Variants in ZSCAN32 observed in about 807,000 individuals in gnomAD.
ZSCAN32 encodes zinc finger and SCAN domain containing 32.
A neutral mutation model predicts 47.4 loss-of-function variants in ZSCAN32; 52 were observed. The ratio of observed to expected loss-of-function variants is 1.10; its 90% CI spans 0.88 to 1.38. ZSCAN32 has a LOEUF of 1.38. ZSCAN32 is among the 40% of genes most tolerant of loss of function. The pLI, the probability that ZSCAN32 is intolerant of heterozygous loss-of-function variation, is 0.00. For synonymous variants in ZSCAN32, 346 were observed against 305.7 expected, an observed-to-expected ratio of 1.13 and a Z score of -1.38; for missense variants, 959 against 846.0, an observed-to-expected ratio of 1.13 and a Z score of -1.66.
chr16:3,384,087 AC>A, intron 6 of ZSCAN32: 2 of 469,550 alleles, frequency 4.3e-6, no homozygotes. Context: ...GCCAGCTCAA[AC>A]AGGAAGAAAG....
At chr16:3,393,874 TC>T in intron 2 of ZSCAN32, 60 bp from the exon 3 acceptor site, 1 of 1,378,254 alleles carries the variant, frequency 7.3e-7, no homozygotes, top group Non-Finnish European at 9.6e-7. Context: ...ACTTTACAAC[TC>T]CTAAGAGTGG....
intron 5 of ZSCAN32, among the ~76,000 whole-genome samples, 183 bp downstream of exon 5, chr16:3,389,827 T>C (rs2032456814): frequency 6.6e-6 from 1 of 152,204 alleles, no homozygotes; most frequent in African/African-American, 2.4e-5. Flanking sequence ...TCACACATGC[T>C]GCCCCTTTCT....
chr16:3,391,302 G>A (rs1173087564), intron 3 of ZSCAN32, among the ~76,000 whole-genome samples: 1 of 152,142 alleles, frequency 6.6e-6, no homozygotes, highest in Non-Finnish European at 1.5e-5. Context: ...GAACACAGGT[G>A]TTCCCAAGGA....
chr16:3,384,899 A>G lies in ZSCAN32; in HGVS notation c.794T>C (p.Leu265Pro). Reference protein sequence around the residue: ...PWGYEETKTLLAILSSSQFYG... With the variant: ...PWGYEETKTLPAILSSSQFYG... Reference sequence around the variant, plus strand: ...AAATTGAGAACTACTAAGAATAGCCAGGAGCGTCTTGGTCTCTTCATAGCC... The same window carrying G: ...AAATTGAGAACTACTAAGAATAGCCGGGAGCGTCTTGGTCTCTTCATAGCC... Residue 265 changes from leucine (L) to proline (P), a missense_variant, in exon 6 of 7, where the codon CTG becomes CCG. By Grantham distance (98) the Leu-to-Pro change is moderately conservative. Transcript: ENST00000396852. 2 of 1,614,154 alleles carry G rather than the reference A, an allele frequency of 1.2e-6. No homozygotes were observed. The highest frequency in any genetic ancestry group is 1.1e-5 in the South Asian group (1 of 91,082).
chr16:3,394,356 G>T (rs1401698985), intron 2 of ZSCAN32, among the ~76,000 whole-genome samples: 1 of 152,164 alleles, frequency 6.6e-6, no homozygotes, highest in Non-Finnish European at 1.5e-5. Flanking sequence ...GTTAAAAACT[G>T]AAATATATTT....
At chr16:3,384,991 G>A in intron 5 of ZSCAN32, 50 bp from the exon 6 acceptor site, 1 of 1,575,230 alleles carries the variant, frequency 6.3e-7, no homozygotes, top group Middle Eastern at 1.7e-4. Flanking sequence ...GATCATGGAG[G>A]ACTGTACATA....
Position 3,397,755 on chromosome 16 carries a change from T to C in ZSCAN32, c.-187-11A>G. The C allele has an allele frequency of 1.6e-6, 1 of 611,476 alleles. No homozygotes were observed. The highest frequency in any genetic ancestry group is 2.7e-6 in the Non-Finnish European group (1 of 365,964). 37.9% of individuals were successfully genotyped at this position (611,476 alleles called of 1,614,324 possible). A position where few individuals can be genotyped will look rare whatever the true frequency, so the allele number is the denominator to read the frequency against. On this transcript the variant is annotated splice_polypyrimidine_tract_variant and intron_variant, in intron 1 of 6. Transcript: ENST00000396852. ...AACTTTGAAGGATGTCTGAAGAGGA[T>C]GGAAAAAGACAATATAAACCTATCA...
chr16:3,391,329 G>A (rs933860760), intron 3 of ZSCAN32, among the ~76,000 whole-genome samples: 2 of 152,138 alleles, frequency 1.3e-5, no homozygotes, highest in Middle Eastern at 3.2e-3. Flanking sequence ...GGAAATAAAT[G>A]CTAAGTGGCA....
rs191240269 is a variant in ZSCAN32, at chr16:3,384,904, C to A, written c.789G>T (p.Thr263=). ...GVPWGYEETK[T]LLAILSSSQF... ...GAGAACTACTAAGAATAGCCAGGAG[C>A]GTCTTGGTCTCTTCATAGCCCCAGG... The change falls in exon 6 of 7, where the codon ACG becomes ACT. Residue 263 remains threonine, a synonymous_variant. Coordinates refer to ENST00000396852, the MANE Select transcript of ZSCAN32 (RefSeq NM_001284527.2). 6.2e-7 allele frequency: 1 copy of A among 1,613,964 alleles called. No individual in the cohort carries two copies. Among genetic ancestry groups the A allele is most frequent in the Non-Finnish European group, 8.5e-7 (1 of 1,180,012 alleles).
At chr16:3,392,609 C>G (rs201602479) in intron 3 of ZSCAN32, among the ~76,000 whole-genome samples, 1 of 152,014 alleles carries the variant, frequency 6.6e-6, no homozygotes, top group Non-Finnish European at 1.5e-5. Flanking sequence ...AGGTGGATCA[C>G]GAGGTCAGGA....
At chr16:3,389,982 T>G in intron 5 of ZSCAN32, 28 bp downstream of exon 5, 1 of 1,586,964 alleles carries the variant, frequency 6.3e-7, no homozygotes, top group Non-Finnish European at 8.6e-7. Context: ...CACATCCACC[T>G]TGACCTGGAG....
At chr16:3,396,079 T>C (rs1312309180) in intron 2 of ZSCAN32, among the ~76,000 whole-genome samples, 2 of 152,178 alleles carry the variant, frequency 1.3e-5, no homozygotes, top group Non-Finnish European at 2.9e-5. Flanking sequence ...AACAGAGTGA[T>C]GGAAGGGGAA....
rs1287897853 is a variant in ZSCAN32, at chr16:3,397,263, C to G, written c.295G>C (p.Glu99Gln). Residue 99 changes from glutamate to glutamine, a missense_variant, in exon 2 of 7, where the codon GAG (glutamate) becomes CAG (glutamine). Transcript: ENST00000396852. ...TCCTCGCCGTTTTCTGGATGCTGCT[C>G]CCTCACCCAGGTCTGGATCTCCTCT... Reference protein sequence around the residue: ...LPEEIQTWVREQHPENGEEAV... With the variant: ...LPEEIQTWVRQQHPENGEEAV... The G allele has an allele frequency of 1.0e-5, 16 of 1,568,130 alleles. No homozygotes were observed. The highest frequency in any genetic ancestry group is 1.4e-5 in the Non-Finnish European group (16 of 1,156,716).
At position 3,390,294 on chromosome 16, in the gene ZSCAN32, T is replaced by A. The variant is rs185408036; in HGVS notation, c.627+129A>T. On this transcript the variant is annotated intron_variant, in intron 4 of 6. Transcript: ENST00000396852. ...TCTGAGCCATGTGATGATGTCAGAGTGGACAGAATCAAAATAACCCGAGAA... is the reference window on the plus strand; with the variant it reads ...TCTGAGCCATGTGATGATGTCAGAGAGGACAGAATCAAAATAACCCGAGAA... 6 of 1,352,770 alleles carry A rather than the reference T, an allele frequency of 4.4e-6. No homozygotes were observed. In the Admixed American group the frequency reaches 1.6e-4, roughly 36 times the overall value. The allele number at this position is 1,352,770 out of a possible 1,614,324, so 83.8% of individuals were successfully genotyped here.
chr16:3,397,579 C>T lies in ZSCAN32; in HGVS notation c.-22G>A. On this transcript the variant is annotated 5_prime_UTR_variant, in exon 2 of 7. Coordinates refer to ENST00000396852, the MANE Select transcript of ZSCAN32 (RefSeq NM_001284527.2). Reference sequence around the variant, plus strand: ...TCATTTGCTTCAACGAACTGGCTTACTCTGGTTGCCACTTCTACCCTGGAG... The same window carrying T: ...TCATTTGCTTCAACGAACTGGCTTATTCTGGTTGCCACTTCTACCCTGGAG... The T allele has an allele frequency of 6.7e-7, 1 of 1,500,600 alleles. No homozygotes were observed. Among genetic ancestry groups the T allele is most frequent in the Non-Finnish European group, 8.9e-7 (1 of 1,119,838 alleles). The allele number at this position is 1,500,600 out of a possible 1,614,324, so 93.0% of individuals were successfully genotyped here. A position where few individuals can be genotyped will look rare whatever the true frequency, so the allele number is the denominator to read the frequency against.
At chr16:3,400,521 A>G (rs2033791467) in intron 1 of ZSCAN32, among the ~76,000 whole-genome samples, 1 of 152,158 alleles carries the variant, frequency 6.6e-6, no homozygotes, top group Non-Finnish European at 1.5e-5. Flanking sequence ...TGAAAATTTT[A>G]CTTCACTCTA....
rs1297256057 is a variant in ZSCAN32, at chr16:3,382,549, A to C, written c.*303T>G. On this transcript the variant is annotated 3_prime_UTR_variant, in exon 7 of 7. Transcript: ENST00000396852. ...ATGTTAGCCCAGAAAGTGTTCTTGG[A>C]CCACTGGGTGCCCATTCTCAGTGCT... 1 of 245,466 alleles carries C rather than the reference A, an allele frequency of 4.1e-6. No individual in the cohort carries two copies. The highest frequency in any genetic ancestry group is 8.1e-5 in the East Asian group (1 of 12,422). The allele number at this position is 245,466 out of a possible 1,614,324, so 15.2% of individuals were successfully genotyped here. A position where few individuals can be genotyped will look rare whatever the true frequency, so the allele number is the denominator to read the frequency against.
chr16:3,397,652 A>G lies in ZSCAN32; in HGVS notation c.-95T>C. On this transcript the variant is annotated 5_prime_UTR_variant, in exon 2 of 7. Coordinates refer to ENST00000396852, the MANE Select transcript of ZSCAN32 (RefSeq NM_001284527.2). ...TCACTGGGAAGCCATGTTCTCCTGC[A>G]AGGAATGTCTTTCTGTAATCCGTGG... The G allele has an allele frequency of 7.1e-7, 1 of 1,415,352 alleles. No individual in the cohort carries two copies. The highest frequency in any genetic ancestry group is 9.3e-7 in the Non-Finnish European group (1 of 1,075,346). 87.7% of individuals were successfully genotyped at this position (1,415,352 alleles called of 1,614,324 possible). A position where few individuals can be genotyped will look rare whatever the true frequency, so the allele number is the denominator to read the frequency against.
At chr16:3,400,365 T>C (rs980470857) in intron 1 of ZSCAN32, among the ~76,000 whole-genome samples, 3 of 152,130 alleles carry the variant, frequency 2.0e-5, no homozygotes, top group African/African-American at 7.2e-5. Flanking sequence ...CTTGCCTTCA[T>C]TATGTTCATC....
Sources: allele counts gnomAD v4.1 joint callset (sites outside exome capture counted in the v4.1 genomes callset), GRCh38; gene constraint gnomAD v4.1.1; transcripts MANE v1.5; gene names NCBI Gene and HGNC (gene_info 2026-07-23, HGNC 2026-07-21).